ZPBP: variants seen among roughly 807,000 people sequenced by gnomAD.
ZPBP encodes the protein zona pellucida-binding protein 1.
In ZPBP, 26 loss-of-function variants were observed where a neutral mutation model predicts 44.8. That is an observed-to-expected ratio of 0.58 (90% confidence interval 0.43 to 0.81). ZPBP has a LOEUF of 0.81. Ranked by LOEUF, ZPBP falls within the 30% of genes least tolerant of loss-of-function variation. The probability of loss-of-function intolerance (pLI) is 0.00; values close to 1 mark genes in which losing one functional copy is unlikely to be tolerated. For missense variants in ZPBP, 409 were observed against 434.0 expected (o/e 0.94, Z 0.51); for synonymous variants, 174 against 153.2 (o/e 1.14, Z -1.00).
intron 2 of ZPBP, among the ~76,000 whole-genome samples, chr7:49,862,905 A>G (rs1404466745): frequency 2.0e-5 from 3 of 152,122 alleles, no homozygotes; most frequent in African/African-American, 7.2e-5. Flanking sequence ...TATCTGTCTC[A>G]TTAGAGATAT....
At chr7:49,853,794 C>T (rs757475921) in intron 2 of ZPBP, among the ~76,000 whole-genome samples, 1 of 151,912 alleles carries the variant, frequency 6.6e-6, no homozygotes, top group African/African-American at 2.4e-5. Flanking sequence ...ATACGTGTGC[C>T]ATGTTGGTGT....
chr7:49,849,916 A>C (rs1790109047), downstream of ZPBP, among the ~76,000 whole-genome samples: 1 of 152,194 alleles, frequency 6.6e-6, no homozygotes, highest in Admixed American at 6.5e-5. Context: ...GCACAGGTAC[A>C]AAAAAATTCA....
At chr7:50,069,933 G>A (rs1801749673) in intron 3 of ZPBP, among the ~76,000 whole-genome samples, 1 of 152,000 alleles carries the variant, frequency 6.6e-6, no homozygotes, top group Non-Finnish European at 1.5e-5. Context: ...AGGGATCTAT[G>A]CCTCCCCACG....
At chr7:49,922,784 G>A (rs1057461815) in intron 1 of ZPBP, among the ~76,000 whole-genome samples, 1 of 152,074 alleles carries the variant, frequency 6.6e-6, no homozygotes, top group Admixed American at 6.6e-5. Flanking sequence ...GCTGATCTGA[G>A]GCTACACAAA....
intron 1 of ZPBP, among the ~76,000 whole-genome samples, chr7:50,090,743 T>C (rs1802950112): frequency 6.6e-6 from 1 of 152,098 alleles, no homozygotes; most frequent in Non-Finnish European, 1.5e-5. Flanking sequence ...GGTTCCATGT[T>C]TTTGCAACTG....
In ZPBP at chr7:49,959,358, A is replaced by G. The variant is rs114089532; in HGVS notation, c.962-21736T>C. On this transcript the variant is annotated intron_variant, in intron 7 of 7. Transcript: ENST00000046087. ...AAAAAGGATCTACAAAATAATTATT[A>G]TATCTAAGCAGTGAATTAAGCATAA... is the stretch of plus-strand genomic sequence containing the variant. 7.1e-3 allele frequency among the ~76,000 whole-genome samples: 1,085 copies of G among 151,876 alleles called. 9 individuals are homozygous for G. Among genetic ancestry groups the G allele is most frequent in the African/African-American group, 0.025 (1,026 of 41,506 alleles).
At chr7:49,935,525 A>T (rs768518268), downstream of ZPBP, among the ~76,000 whole-genome samples, 1 of 152,042 alleles carries the variant, frequency 6.6e-6, no homozygotes, top group Non-Finnish European at 1.5e-5. Flanking sequence ...CAGCCTCCTG[A>T]GTAGCTGGGA....
chr7:49,948,265 G>A (rs1317258076), intron 7 of ZPBP, among the ~76,000 whole-genome samples: 3 of 152,196 alleles, frequency 2.0e-5, no homozygotes, highest in Non-Finnish European at 4.4e-5. Context: ...TCAATTTGGT[G>A]TTCCAGCAGG....
chr7:50,072,233 T>G (rs1010116672), intron 3 of ZPBP, among the ~76,000 whole-genome samples: 1 of 151,762 alleles, frequency 6.6e-6, no homozygotes, highest in South Asian at 2.1e-4. Flanking sequence ...GGCCTGGGGG[T>G]GGTGGTGGCT....
intron 2 of ZPBP, among the ~76,000 whole-genome samples, chr7:49,859,786 GCGTGCACACACACA>G (rs1562736599): frequency 1.5e-5 from 1 of 65,590 alleles, no homozygotes; most frequent in African/African-American, 6.2e-5. Flanking sequence ...CAGTGCGCGT[GCGTGCACACACACA>G]CACACACACA....
At position 50,031,304 on chromosome 7, in the gene ZPBP, C is replaced by A. The variant is rs368593046; in HGVS notation, c.494G>T (p.Arg165Leu). ...LQLKYAIYAYREPHYYYQFTA... is the reference protein window; with the variant it reads ...LQLKYAIYAYLEPHYYYQFTA... ...GAACTGATAATAATAATGAGGCTCA[C>A]GATAAGCTGTAAAAAATTAACAAGA... The change falls in exon 5 of 8, where the codon CGT becomes CTT. Residue 165 changes from arginine (R) to leucine (L), a missense_variant. Physicochemically the swap from Arg to Leu is moderately radical, Grantham distance 102 (BLOSUM62 -2). This residue lies in a region of ZPBP where 367 missense variants were observed against 363.1 expected (regional missense o/e 1.01). Coordinates refer to ENST00000046087, the MANE Select transcript of ZPBP (RefSeq NM_007009.3). 11 of 1,607,482 alleles carry A rather than the reference C, an allele frequency of 6.8e-6. No homozygotes were observed. Among genetic ancestry groups the A allele is most frequent in the African/African-American group, 1.3e-5 (1 of 74,474 alleles).
chr7:50,029,369 C>A (rs1185447463), intron 5 of ZPBP, among the ~76,000 whole-genome samples: 1 of 152,180 alleles, frequency 6.6e-6, no homozygotes, highest in Non-Finnish European at 1.5e-5. Context: ...AGTGTAATAG[C>A]TAAAACTACA....
At chr7:50,071,521 T>G (rs1801834929) in intron 3 of ZPBP, among the ~76,000 whole-genome samples, 1 of 152,134 alleles carries the variant, frequency 6.6e-6, no homozygotes. Context: ...CCTGGTGAAC[T>G]GAGACACCAG....
At chr7:49,841,729 C>T in the ZPBP span, among the ~76,000 whole-genome samples, 3 of 152,312 alleles carry the variant, frequency 2.0e-5, no homozygotes, top group South Asian at 2.1e-4. Flanking sequence ...TGCCCTTGTC[C>T]ACACATTTCT....
intron 5 of ZPBP, among the ~76,000 whole-genome samples, chr7:50,029,392 C>A (rs753273692): frequency 2.7e-4 from 41 of 152,116 alleles, no homozygotes; most frequent in Admixed American, 2.0e-3. Context: ...AGGAGTAAAT[C>A]TTGATGACCT....
At chr7:49,962,194 G>T (rs889880745) in intron 7 of ZPBP, among the ~76,000 whole-genome samples, 1 of 151,814 alleles carries the variant, frequency 6.6e-6, no homozygotes, top group Admixed American at 6.6e-5. Context: ...AAATTTACAA[G>T]AGAAGGGAAC....
chr7:49,891,672 CT>C (rs1792135067), intron 2 of ZPBP, among the ~76,000 whole-genome samples: 1 of 152,182 alleles, frequency 6.6e-6, no homozygotes, highest in Non-Finnish European at 1.5e-5. Flanking sequence ...TTCTTATATA[CT>C]GATTCTGATG....
intron 1 of ZPBP, among the ~76,000 whole-genome samples, chr7:49,923,935 C>A (rs1399543484): frequency 6.6e-6 from 1 of 152,104 alleles, no homozygotes; most frequent in African/African-American, 2.4e-5. Context: ...ACCAGCCTGG[C>A]CAACATGGCG....
chr7:49,982,696 T>C (rs1797084235), intron 7 of ZPBP, among the ~76,000 whole-genome samples: 2 of 151,802 alleles, frequency 1.3e-5, no homozygotes, highest in Non-Finnish European at 2.9e-5. Context: ...CTAAGACAGG[T>C]ATAAATTTAG....
Sources: gnomAD v4.1 joint callset for allele counts (sites outside exome capture counted in the v4.1 genomes callset) on GRCh38, gnomAD v4.1.1 for gene constraint, gnomAD v4.1.1 regional missense constraint, MANE v1.5 for transcripts, NCBI Gene and HGNC (gene_info 2026-07-23, HGNC 2026-07-21) for gene names.